ERGIC1: variants seen among roughly 807,000 people sequenced by gnomAD.
ERGIC1 encodes endoplasmic reticulum-golgi intermediate compartment 1.
In ERGIC1, 19 loss-of-function variants were observed where a neutral mutation model predicts 38.3. The ratio of observed to expected loss-of-function variants is 0.50; its 90% CI spans 0.35 to 0.73. ERGIC1 has a LOEUF of 0.73. Among genes scored for constraint, ERGIC1 ranks in the 30% least tolerant of loss-of-function variants. The probability of loss-of-function intolerance (pLI) is 0.01; values close to 1 mark genes in which losing one functional copy is unlikely to be tolerated. For missense variants in ERGIC1, 294 were observed against 389.2 expected, an observed-to-expected ratio of 0.76 and a Z score of 2.06; for synonymous variants, 124 against 157.6, an observed-to-expected ratio of 0.79 and a Z score of 1.60.
rs190763337 is a variant in ERGIC1 at position 172,851,754 on chromosome 5, C to T, written c.20+17321C>T. 3.5e-3 allele frequency among the ~76,000 whole-genome samples: 531 copies of T among 152,204 alleles called. 1 individual carries two copies. The highest frequency in any genetic ancestry group is 0.012 in the African/African-American group (489 of 41,538). ...TCCAGTGTGACTGACTTAATTCCAT[C>T]TAGTGAGGAGGTGGCTTTTAGAGTC... On this transcript the variant is annotated intron_variant, in intron 1 of 9. Transcript: ENST00000393784.
chr5:172,912,752 ACTTTT>A (rs1305091485), intron 4 of ERGIC1, among the ~76,000 whole-genome samples: 1 of 150,668 alleles, frequency 6.6e-6, no homozygotes. Context: ...GTGCTATTTT[ACTTTT>A]CTTTTCTTTC....
At chr5:172,891,088 C>T (rs1291875913) in intron 2 of ERGIC1, among the ~76,000 whole-genome samples, 3 of 152,214 alleles carry the variant, frequency 2.0e-5, no homozygotes, top group South Asian at 2.1e-4. Context: ...AAATGTGTCC[C>T]GGGATGTGTC....
intron 9 of ERGIC1, among the ~76,000 whole-genome samples, chr5:172,950,213 C>A (rs1334615483): frequency 6.6e-6 from 1 of 152,218 alleles, no homozygotes; most frequent in Non-Finnish European, 1.5e-5. Flanking sequence ...GATGCCATTT[C>A]TTGGCTGTGT....
At chr5:172,874,964 C>T (rs1280722016) in intron 1 of ERGIC1, among the ~76,000 whole-genome samples, 1 of 150,624 alleles carries the variant, frequency 6.6e-6, no homozygotes, top group Non-Finnish European at 1.5e-5. Flanking sequence ...GCAGAGTAAG[C>T]ACAGGCTCCC....
chr5:172,835,001 C>T (rs551688650), intron 1 of ERGIC1, among the ~76,000 whole-genome samples: 40 of 152,354 alleles, frequency 2.6e-4, no homozygotes, highest in African/African-American at 7.9e-4. Flanking sequence ...TATGGGGGCA[C>T]CATGGGAAGG....
intron 4 of ERGIC1, among the ~76,000 whole-genome samples, chr5:172,910,280 G>A (rs1041885059): frequency 2.0e-5 from 3 of 152,142 alleles, no homozygotes; most frequent in Non-Finnish European, 1.5e-5. Context: ...GTGCGTGGCA[G>A]GGGTCATATC....
chr5:172,905,538 A>C (rs1159398156), intron 3 of ERGIC1: 2 of 439,100 alleles, frequency 4.6e-6, no homozygotes, highest in Non-Finnish European at 9.3e-6. Flanking sequence ...CCCAGCGACT[A>C]GTGTGCAGCT....
intron 1 of ERGIC1, among the ~76,000 whole-genome samples, chr5:172,844,952 A>G (rs1761248519): frequency 6.6e-6 from 1 of 152,152 alleles, no homozygotes; most frequent in Admixed American, 6.5e-5. Flanking sequence ...GTGCTAGACT[A>G]AAGGCTTTTC....
chr5:172,860,440 C>A (rs1420960201), intron 1 of ERGIC1, among the ~76,000 whole-genome samples: 3 of 152,252 alleles, frequency 2.0e-5, no homozygotes, highest in Non-Finnish European at 4.4e-5. Flanking sequence ...AGTTATTTAA[C>A]CTGCCCAGCG....
intron 3 of ERGIC1, chr5:172,898,053 T>G (rs541767486): frequency 2.0e-5 from 8 of 401,286 alleles, no homozygotes; most frequent in Non-Finnish European, 2.7e-5. Flanking sequence ...TGGCACTGGC[T>G]TGAGGCTTCA....
rs915333394 is a variant in ERGIC1, at chr5:172,952,567, A to G, written c.*1751A>G. 3 of 150,932 alleles carry G rather than the reference A, an allele frequency of 2.0e-5. No homozygotes were observed. The highest frequency in any genetic ancestry group is 4.4e-5 in the Non-Finnish European group (3 of 67,934). 9.3% of individuals were successfully genotyped at this position (150,932 alleles called of 1,614,324 possible). On this transcript the variant is annotated 3_prime_UTR_variant, in exon 10 of 10. Coordinates refer to ENST00000393784, the MANE Select transcript of ERGIC1 (RefSeq NM_001031711.3). Reference sequence around the variant, plus strand: ...AGGACATAGGGGATGTCAGTTTCCTATGGAAGAGACACCTCTGACCCGTTA... The same window carrying G: ...AGGACATAGGGGATGTCAGTTTCCTGTGGAAGAGACACCTCTGACCCGTTA...
chr5:172,925,534 C>G (rs1387268975), intron 6 of ERGIC1, among the ~76,000 whole-genome samples: 2 of 152,178 alleles, frequency 1.3e-5, no homozygotes, highest in Non-Finnish European at 2.9e-5. Flanking sequence ...AGGGATTATG[C>G]CACCCCGCTG....
Position 172,894,977 on chromosome 5 carries a change from G to A in ERGIC1, c.83-2025G>A, listed in dbSNP as rs145765676. On this transcript the variant is annotated intron_variant, in intron 2 of 9. Transcript: ENST00000393784. The stretch of plus-strand genomic sequence containing the variant: ...TTTGTTTTAGATAGGTAGATAGGCA[G>A]ATCGATATATGTAAATAGATACAGA... Among the ~76,000 whole-genome samples, 24 of 152,378 alleles carry A rather than the reference G, an allele frequency of 1.6e-4. No individual in the cohort carries two copies. The East Asian group carries it at 4.4e-3, about 28-fold the overall frequency.
chr5:172,836,633 T>A (rs2113499558), intron 1 of ERGIC1, among the ~76,000 whole-genome samples: 1 of 152,276 alleles, frequency 6.6e-6, no homozygotes, highest in South Asian at 2.1e-4. Context: ...TCAGTGTGCA[T>A]TCATCAAGCA....
At chr5:172,835,944 A>C (rs1262825961) in intron 1 of ERGIC1, among the ~76,000 whole-genome samples, 1 of 152,178 alleles carries the variant, frequency 6.6e-6, no homozygotes, top group Admixed American at 6.5e-5. Flanking sequence ...CGGCACATCA[A>C]TTTCTGGTTC....
At chr5:172,853,989 C>T (rs1321098376) in intron 1 of ERGIC1, among the ~76,000 whole-genome samples, 2 of 152,194 alleles carry the variant, frequency 1.3e-5, no homozygotes, top group Admixed American at 1.3e-4. Context: ...AAAAGATATC[C>T]ATGTGCATAA....
At chr5:172,908,994 A>G (rs1287891300) in intron 3 of ERGIC1, among the ~76,000 whole-genome samples, 1 of 152,066 alleles carries the variant, frequency 6.6e-6, no homozygotes, top group African/African-American at 2.4e-5. Flanking sequence ...TTAGTGTTCA[A>G]ACCACCTTAT....
chr5:172,943,979 A>T (rs1269599720), intron 9 of ERGIC1, among the ~76,000 whole-genome samples: 1 of 152,218 alleles, frequency 6.6e-6, no homozygotes, highest in African/African-American at 2.4e-5. Context: ...ACTTCATTCT[A>T]GTCACAGTGG....
chr5:172,843,465 C>T (rs1473676396), intron 1 of ERGIC1, among the ~76,000 whole-genome samples: 1 of 152,218 alleles, frequency 6.6e-6, no homozygotes, highest in Non-Finnish European at 1.5e-5. Context: ...ACTAGATCTT[C>T]TCTCCCCTCC....
Sources: gnomAD v4.1 joint callset for allele counts (sites outside exome capture counted in the v4.1 genomes callset) on GRCh38, gnomAD v4.1.1 for gene constraint, MANE v1.5 for transcripts, NCBI Gene and HGNC (gene_info 2026-07-23, HGNC 2026-07-21) for gene names.